The following CSMD1 variants were observed in gnomAD, a reference collection of about 807,000 sequenced individuals.
CSMD1 encodes the protein CUB and Sushi multiple domains 1.
In CSMD1, 213 loss-of-function variants were observed where a neutral mutation model predicts 417.5. The observed-to-expected ratio is 0.51, with a 90% CI of 0.46 to 0.57. The LOEUF (loss-of-function observed/expected upper bound fraction) is 0.57. Ranked by LOEUF, CSMD1 falls within the 20% of genes least tolerant of loss-of-function variation. The pLI is 0.00. For synonymous variants in CSMD1, 2,862 were observed against 1,736.8 expected, an observed-to-expected ratio of 1.65 and a Z score of -16.11; for missense variants, 6,923 against 4,529.7, an observed-to-expected ratio of 1.53 and a Z score of -15.17.
chr8:3,017,490 C>G (rs1808944346), intron 52 of CSMD1, among the ~76,000 whole-genome samples: 1 of 152,080 alleles, frequency 6.6e-6, no homozygotes, highest in Non-Finnish European at 1.5e-5. Flanking sequence ...ATATAATGCA[C>G]TAAATATATT....
intron 1 of CSMD1, among the ~76,000 whole-genome samples, chr8:4,806,805 G>A (rs1443126359): frequency 3.3e-5 from 5 of 152,114 alleles, no homozygotes; most frequent in Non-Finnish European, 7.4e-5. Flanking sequence ...AAATTCTCAT[G>A]CTATGAATTT....
chr8:4,429,584 A>C (rs910968654), intron 2 of CSMD1, among the ~76,000 whole-genome samples: 1 of 152,158 alleles, frequency 6.6e-6, no homozygotes, highest in Non-Finnish European at 1.5e-5. Flanking sequence ...ATACTGATTT[A>C]GGAGGCAAAG....
At chr8:4,965,248 C>G (rs17348805) in intron 1 of CSMD1, among the ~76,000 whole-genome samples, 82,642 of 152,036 alleles carry the variant, frequency 0.54, 23,301 homozygotes, top group African/African-American at 0.65. Flanking sequence ...TAAAAATGTT[C>G]CCATTGATAA....
chr8:3,567,225 A>G (rs1799751647), intron 10 of CSMD1, among the ~76,000 whole-genome samples: 1 of 152,132 alleles, frequency 6.6e-6, no homozygotes, highest in Non-Finnish European at 1.5e-5. Context: ...TGGTGAAAGT[A>G]CATGGACACA....
At chr8:3,400,525 C>A (rs1344907132) in intron 15 of CSMD1, among the ~76,000 whole-genome samples, 1 of 151,812 alleles carries the variant, frequency 6.6e-6, no homozygotes, top group African/African-American at 2.4e-5. Context: ...TAATTTACGT[C>A]AGGAAACAAA....
Position 4,137,302 on chromosome 8 carries a change from G to T in CSMD1, c.416-105203C>A, listed in dbSNP as rs542054519. On this transcript the variant is annotated intron_variant, in intron 3 of 69. Coordinates refer to ENST00000635120, the MANE Select transcript of CSMD1 (RefSeq NM_033225.6). ...GGTCTAATTTTAATCAAAATAGGAC[G>T]TGTCAGTGGCACTCAGGCTAACCTT... Among the ~76,000 whole-genome samples the T allele has an allele frequency of 7.2e-5, 11 of 152,298 alleles. No homozygotes were observed. The East Asian group carries it at 1.2e-3, about 16-fold the overall frequency.
intron 3 of CSMD1, among the ~76,000 whole-genome samples, chr8:4,156,804 C>G (rs1246584212): frequency 6.6e-6 from 1 of 152,136 alleles, no homozygotes; most frequent in South Asian, 2.1e-4. Flanking sequence ...ATTACAGATC[C>G]CAGCAGCGAG....
Position 3,199,818 on chromosome 8 carries a change from G to A in CSMD1, c.5099-9C>T, listed in dbSNP as rs750216617. On this transcript the variant is annotated splice_polypyrimidine_tract_variant and intron_variant, in intron 32 of 69. Transcript: ENST00000635120. ...CAAGGGCAATGTTTCCCCTAGAAAC[G>A]AAAACAGAGACAGATTCAGAAAACA... 1.6e-5 allele frequency: 24 copies of A among 1,543,540 alleles called. No homozygotes were observed. Among genetic ancestry groups the A allele is most frequent in the South Asian group, 5.9e-5 (5 of 84,034 alleles).
intron 3 of CSMD1, among the ~76,000 whole-genome samples, chr8:4,417,529 T>G (rs1797010764): frequency 6.6e-6 from 1 of 152,072 alleles, no homozygotes; most frequent in Admixed American, 6.6e-5. Context: ...TAAAAAAACA[T>G]GAATTTATTA....
At chr8:4,626,966 G>A (rs889677078) in intron 2 of CSMD1, among the ~76,000 whole-genome samples, 1 of 152,130 alleles carries the variant, frequency 6.6e-6, no homozygotes, top group Non-Finnish European at 1.5e-5. Flanking sequence ...GGATACGTAA[G>A]TAGGTGAGTG....
chr8:4,772,261 G>T (rs1796640109), intron 1 of CSMD1, among the ~76,000 whole-genome samples: 1 of 152,162 alleles, frequency 6.6e-6, no homozygotes, highest in South Asian at 2.1e-4. Context: ...TATCCTAAAA[G>T]TCAGCAACAG....
Position 3,789,682 on chromosome 8 carries a change from T to A in CSMD1, c.819-35640A>T, listed in dbSNP as rs1045987049. The stretch of plus-strand genomic sequence containing the variant: ...TTGCTTAATGAGACATGTATGACCT[T>A]GTTTATTTAGTATTTATCATAGATG... On this transcript the variant is annotated intron_variant, in intron 5 of 69. Coordinates refer to ENST00000635120, the MANE Select transcript of CSMD1 (RefSeq NM_033225.6). Among the ~76,000 whole-genome samples, 6 of 151,752 alleles carry A rather than the reference T, an allele frequency of 4.0e-5. 1 individual carries two copies. The highest frequency in any genetic ancestry group is 6.6e-5 in the Admixed American group (1 of 15,222).
intron 1 of CSMD1, among the ~76,000 whole-genome samples, chr8:4,892,642 T>G (rs542701179): frequency 6.6e-6 from 1 of 152,096 alleles, no homozygotes; most frequent in African/African-American, 2.4e-5. Context: ...CACTTAACTT[T>G]TGAGTGTTTT....
chr8:4,540,843 G>C (rs1236614000), intron 2 of CSMD1, among the ~76,000 whole-genome samples: 1 of 152,018 alleles, frequency 6.6e-6, no homozygotes, highest in Non-Finnish European at 1.5e-5. Flanking sequence ...AAAAGGTAAA[G>C]GCTCACCCAA....
chr8:3,162,102 G>C (rs1481887807), intron 38 of CSMD1, 57 bp downstream of exon 38: 2 of 1,130,306 alleles, frequency 1.8e-6, no homozygotes, highest in Non-Finnish European at 2.6e-6. Context: ...GGCTTTAAGA[G>C]AGCTGCACAA....
intron 1 of CSMD1, among the ~76,000 whole-genome samples, chr8:4,926,414 G>A (rs1003193868): frequency 5.3e-5 from 8 of 152,118 alleles, no homozygotes; most frequent in Non-Finnish European, 1.2e-4. Context: ...GCATGTGGCC[G>A]TGTAATTCTC....
intron 42 of CSMD1, among the ~76,000 whole-genome samples, chr8:3,110,874 C>T (rs1024207242): frequency 6.6e-6 from 1 of 152,150 alleles, no homozygotes; most frequent in Admixed American, 6.5e-5. Flanking sequence ...GGAAGCATTT[C>T]CAGTTTTTAC....
At chr8:3,811,113 G>T (rs953222765) in intron 5 of CSMD1, among the ~76,000 whole-genome samples, 1 of 152,124 alleles carries the variant, frequency 6.6e-6, no homozygotes, top group South Asian at 2.1e-4. Flanking sequence ...TGACTCCTCT[G>T]TGTGTACCTA....
chr8:4,160,440 A>G (rs566493957), intron 3 of CSMD1, among the ~76,000 whole-genome samples: 1 of 152,372 alleles, frequency 6.6e-6, no homozygotes, highest in South Asian at 2.1e-4. Context: ...AGAATAAAGA[A>G]TATATTTCAA....
Sources: allele counts gnomAD v4.1 joint callset (sites outside exome capture counted in the v4.1 genomes callset), GRCh38; gene constraint gnomAD v4.1.1; transcripts MANE v1.5; gene names NCBI Gene and HGNC (gene_info 2026-07-23, HGNC 2026-07-21).